QKI: variants seen among roughly 807,000 people sequenced by gnomAD.
QKI encodes the protein KH domain-containing RNA-binding protein QKI.
A neutral mutation model predicts 39.0 loss-of-function variants in QKI; 10 were observed. That is an observed-to-expected ratio of 0.26 (90% CI 0.16 to 0.43). The LOEUF (loss-of-function observed/expected upper bound fraction) is 0.43, where lower values mean the gene tolerates loss of function less well. Among genes scored for constraint, QKI ranks in the 20% least tolerant of loss-of-function variants. The probability of loss-of-function intolerance (pLI) is 1.00; values close to 1 mark genes in which losing one functional copy is unlikely to be tolerated. For synonymous variants in QKI, 204 were observed against 155.4 expected (o/e 1.31, Z -2.33); for missense variants, 218 against 428.0 (o/e 0.51, Z 4.33).
intron 3 of QKI, among the ~76,000 whole-genome samples, chr6:163,482,175 ACT>A (rs1296701711): frequency 6.6e-6 from 1 of 151,312 alleles, no homozygotes; most frequent in African/African-American, 2.4e-5. Context: ...ACAGAACGAG[ACT>A]CTGTCTCGGG....
chr6:163,481,768 G>C (rs1793093179), intron 3 of QKI, among the ~76,000 whole-genome samples: 1 of 152,158 alleles, frequency 6.6e-6, no homozygotes, highest in Non-Finnish European at 1.5e-5. Flanking sequence ...TTAAGATCAT[G>C]GAACCAGGGC....
At chr6:163,425,031 G>C (rs1788305751) in intron 1 of QKI, among the ~76,000 whole-genome samples, 1 of 152,212 alleles carries the variant, frequency 6.6e-6, no homozygotes, top group African/African-American at 2.4e-5. Context: ...GAAAAAGAAA[G>C]ATGATGTATC....
rs6925264 is a variant in QKI, at chr6:163,576,596, G to A, written c.*5886G>A. On this transcript the variant is annotated 3_prime_UTR_variant, in exon 8 of 8. Coordinates refer to ENST00000361752, the MANE Select transcript of QKI (RefSeq NM_006775.3). ...ATTGTGTATATATATATATATAGTC[G>A]AAATAGGTGTTCACAGGTCACATGT... 525 of 150,818 alleles carry A rather than the reference G, an allele frequency of 3.5e-3. 4 individuals are homozygous for A. Among genetic ancestry groups the A allele is most frequent in the African/African-American group, 0.012 (493 of 40,640 alleles). The allele number at this position is 150,818 out of a possible 1,614,324, so 9.3% of individuals were successfully genotyped here. A position where few individuals can be genotyped will look rare whatever the true frequency, so the allele number is the denominator to read the frequency against.
At chr6:163,480,312 C>T (rs1792980932) in intron 3 of QKI, among the ~76,000 whole-genome samples, 1 of 151,686 alleles carries the variant, frequency 6.6e-6, no homozygotes, top group South Asian at 2.1e-4. Context: ...TTTCCATTGA[C>T]TTGAAGGGGC....
intron 1 of QKI, among the ~76,000 whole-genome samples, chr6:163,437,143 T>A (rs1409792062): frequency 6.6e-6 from 1 of 152,222 alleles, no homozygotes; most frequent in African/African-American, 2.4e-5. Flanking sequence ...TGATGTAGTT[T>A]AATTATTTTA....
intron 4 of QKI, among the ~76,000 whole-genome samples, chr6:163,556,982 A>G (rs958079501): frequency 3.3e-5 from 5 of 152,242 alleles, no homozygotes; most frequent in African/African-American, 9.6e-5. Flanking sequence ...CTCTACTCAT[A>G]GGTATTTATC....
At chr6:163,503,762 CAG>C (rs1286240632) in intron 3 of QKI, among the ~76,000 whole-genome samples, 1 of 151,750 alleles carries the variant, frequency 6.6e-6, no homozygotes, top group East Asian at 1.9e-4. Context: ...TTTTTGGAGA[CAG>C]AGTCTTGCTC....
chr6:163,415,199 C>G lies in QKI; in HGVS notation c.6C>G (p.Val2=). The change falls in exon 1 of 8, where the codon GTC becomes GTG. Residue 2 remains valine (V), a synonymous_variant. Transcript: ENST00000361752. ...TGAGCTGCGGAGCCTGGAATATGGT[C>G]GGGGAAATGGAAACGAAGGAGAAGC... is the stretch of plus-strand genomic sequence containing the variant. M[V]GEMETKEKPK... is the part of the protein sequence containing the mutation. The G allele has an allele frequency of 6.3e-7, 1 of 1,575,564 alleles. No individual in the cohort carries two copies. Among genetic ancestry groups the G allele is most frequent in the Non-Finnish European group, 8.6e-7 (1 of 1,157,232 alleles).
At chr6:163,445,943 A>C (rs1175939968) in intron 1 of QKI, among the ~76,000 whole-genome samples, 2 of 152,146 alleles carry the variant, frequency 1.3e-5, no homozygotes, top group Non-Finnish European at 2.9e-5. Flanking sequence ...AATACTGGTA[A>C]TATTAACTTT....
At chr6:163,444,613 A>G (rs1300676478) in intron 1 of QKI, among the ~76,000 whole-genome samples, 11 of 152,240 alleles carry the variant, frequency 7.2e-5, no homozygotes, top group African/African-American at 2.7e-4. Context: ...AGTTGAGGTT[A>G]ACATTAGATC....
chr6:163,565,688 T>G, intron 6 of QKI: 1 of 1,139,316 alleles, frequency 8.8e-7, no homozygotes, highest in Non-Finnish European at 1.1e-6. Context: ...CATTTCTTGC[T>G]TTGCCACCTA....
intron 3 of QKI, among the ~76,000 whole-genome samples, chr6:163,488,368 G>T (rs548963468): frequency 6.6e-6 from 1 of 152,132 alleles, no homozygotes; most frequent in East Asian, 1.9e-4. Flanking sequence ...ATAGTGCAGA[G>T]ATTATAGTCT....
chr6:163,534,585 A>T (rs7746116), intron 3 of QKI, among the ~76,000 whole-genome samples: 5 of 151,940 alleles, frequency 3.3e-5, no homozygotes, highest in East Asian at 1.9e-4. Flanking sequence ...CTGTTTACTT[A>T]TAAGTAAAAT....
intron 1 of QKI, among the ~76,000 whole-genome samples, chr6:163,452,054 C>T (rs1171925619): frequency 6.6e-6 from 1 of 152,034 alleles, no homozygotes; most frequent in Admixed American, 6.6e-5. Context: ...AGATTGGAAA[C>T]CAGTGGATTT....
rs566748406 is a variant in QKI, at chr6:163,434,798, A to G, written c.142+19463A>G. On this transcript the variant is annotated intron_variant, in intron 1 of 7. Transcript: ENST00000361752. ...TTTTACAAATGAGTAATATTTTCCT[A>G]AATATGTCATAGGAACTAGCTTTAA... is the stretch of plus-strand genomic sequence containing the variant. Among the ~76,000 whole-genome samples the G allele has an allele frequency of 6.6e-5, 10 of 152,234 alleles. No individual in the cohort carries two copies. In the South Asian group the frequency reaches 1.9e-3, roughly 28 times the overall value.
At chr6:163,502,217 G>C (rs2128232025) in intron 3 of QKI, among the ~76,000 whole-genome samples, 1 of 152,104 alleles carries the variant, frequency 6.6e-6, no homozygotes, top group East Asian at 1.9e-4. Flanking sequence ...CAACTACTTG[G>C]GAGGCTGAGG....
At chr6:163,470,235 T>C (rs952648933) in intron 2 of QKI, among the ~76,000 whole-genome samples, 4 of 152,078 alleles carry the variant, frequency 2.6e-5, no homozygotes, top group African/African-American at 7.2e-5. Context: ...CTATAATTTG[T>C]CTATGTGAAC....
At chr6:163,424,248 C>T (rs935302640) in intron 1 of QKI, among the ~76,000 whole-genome samples, 2 of 152,150 alleles carry the variant, frequency 1.3e-5, no homozygotes, top group Admixed American at 6.5e-5. Flanking sequence ...GAAACCGCAT[C>T]TAATTGTCTA....
intron 4 of QKI, among the ~76,000 whole-genome samples, chr6:163,541,921 T>C (rs1386859023): frequency 2.6e-5 from 4 of 151,962 alleles, no homozygotes; most frequent in Admixed American, 2.0e-4. Context: ...GAAAGGCGCA[T>C]ACATGTTCCT....
Sources: gnomAD v4.1 joint callset for allele counts (sites outside exome capture counted in the v4.1 genomes callset) on GRCh38, gnomAD v4.1.1 for gene constraint, MANE v1.5 for transcripts, NCBI Gene and HGNC (gene_info 2026-07-23, HGNC 2026-07-21) for gene names.